Variants in GLG1 observed in about 807,000 individuals in gnomAD.
The protein encoded by GLG1 is Golgi apparatus protein 1.
A neutral mutation model predicts 160.5 loss-of-function variants in GLG1; 38 were observed. The observed-to-expected ratio is 0.24, with a 90% CI of 0.18 to 0.31. GLG1 has a LOEUF of 0.31. Among genes scored for constraint, GLG1 ranks in the 10% least tolerant of loss-of-function variants. The probability of loss-of-function intolerance (pLI) is 1.00; values close to 1 mark genes in which losing one functional copy is unlikely to be tolerated. For synonymous variants in GLG1, 644 were observed against 543.4 expected, an observed-to-expected ratio of 1.19 and a Z score of -2.57; for missense variants, 1,373 against 1,505.2, an observed-to-expected ratio of 0.91 and a Z score of 1.45.
At chr16:74,606,032 C>T (rs1262646760) in intron 1 of GLG1, among the ~76,000 whole-genome samples, 5 of 152,096 alleles carry the variant, frequency 3.3e-5, no homozygotes, top group Admixed American at 3.3e-4. Flanking sequence ...AGGCAAGATC[C>T]CATAACCCAG....
chr16:74,568,989 G>T (rs1017104668), intron 1 of GLG1, among the ~76,000 whole-genome samples: 1 of 152,236 alleles, frequency 6.6e-6, no homozygotes, highest in Non-Finnish European at 1.5e-5. Flanking sequence ...GAGCTCAAAA[G>T]CTCACTTCTG....
At chr16:74,496,907 G>C (rs1040407126) in intron 4 of GLG1, among the ~76,000 whole-genome samples, 1 of 152,162 alleles carries the variant, frequency 6.6e-6, no homozygotes, top group South Asian at 2.1e-4. Context: ...ATCCTGGAAA[G>C]TTTAAGTATT....
intron 3 of GLG1, among the ~76,000 whole-genome samples, chr16:74,504,097 G>T (rs1567487692): frequency 6.6e-6 from 1 of 152,180 alleles, no homozygotes; most frequent in East Asian, 1.9e-4. Flanking sequence ...TGAAGTCCTT[G>T]TAACCATGCA....
chr16:74,544,487 A>C (rs540525682), intron 1 of GLG1, among the ~76,000 whole-genome samples: 7 of 152,036 alleles, frequency 4.6e-5, no homozygotes, highest in African/African-American at 1.7e-4. Flanking sequence ...AGCCTGGCTA[A>C]TTTTGTTTTT....
chr16:74,593,244 A>G (rs1958223242), intron 1 of GLG1, among the ~76,000 whole-genome samples: 1 of 152,192 alleles, frequency 6.6e-6, no homozygotes, highest in African/African-American at 2.4e-5. Flanking sequence ...AGATGGCATT[A>G]CGTTTGTCAA....
chr16:74,492,762 T>C (rs2016046502), intron 7 of GLG1, among the ~76,000 whole-genome samples, 195 bp downstream of exon 7: 1 of 147,428 alleles, frequency 6.8e-6, no homozygotes, highest in African/African-American at 2.5e-5. Flanking sequence ...GAGCTTGCAG[T>C]GAGCCGAGAT....
Position 74,520,739 on chromosome 16 carries a change from C to T in GLG1, c.471+11382G>A, listed in dbSNP as rs868594953. Among the ~76,000 whole-genome samples the T allele has an allele frequency of 4.6e-5, 7 of 152,298 alleles. No individual in the cohort carries two copies. The South Asian group carries it at 8.3e-4, about 18-fold the overall frequency. Reference sequence around the variant, plus strand: ...ATTACTTTGACTGGATATCATTTTTCGGTAAGCACTTGTCCACTGTCTTCT... The same window carrying T: ...ATTACTTTGACTGGATATCATTTTTTGGTAAGCACTTGTCCACTGTCTTCT... On this transcript the variant is annotated intron_variant, in intron 2 of 25. Coordinates refer to ENST00000422840, the MANE Select transcript of GLG1 (RefSeq NM_001145667.2).
intron 1 of GLG1, among the ~76,000 whole-genome samples, chr16:74,559,809 C>A (rs2018457586): frequency 6.6e-6 from 1 of 151,808 alleles, no homozygotes; most frequent in South Asian, 2.1e-4. Flanking sequence ...CTTTGAATGT[C>A]CACTGTCACC....
chr16:74,486,889 G>A (rs1378744754), intron 8 of GLG1, among the ~76,000 whole-genome samples: 1 of 151,912 alleles, frequency 6.6e-6, no homozygotes, highest in Admixed American at 6.6e-5. Flanking sequence ...CAGATAAGTA[G>A]CAGATGGTGT....
chr16:74,454,687 A>ACC (rs2014461617), intron 25 of GLG1, among the ~76,000 whole-genome samples: 3 of 143,382 alleles, frequency 2.1e-5, no homozygotes, highest in African/African-American at 8.2e-5. Context: ...AAAAAAAAAA[A>ACC]AAAAAAAAAA....
intron 1 of GLG1, among the ~76,000 whole-genome samples, chr16:74,595,828 T>C (rs1429634425): frequency 6.6e-6 from 1 of 152,078 alleles, no homozygotes; most frequent in Non-Finnish European, 1.5e-5. Context: ...ACATAAACAA[T>C]ATAAAAATTA....
At chr16:74,492,814 C>T in intron 7 of GLG1, 143 bp downstream of exon 7, 1 of 500,170 alleles carries the variant, frequency 2.0e-6, no homozygotes, top group Non-Finnish European at 3.3e-6. Context: ...GCGAGAGACT[C>T]CGTCTCAAGA....
At chr16:74,493,207 AAGATG>A in intron 6 of GLG1, 67 bp from the exon 7 acceptor site, 1 of 1,045,618 alleles carries the variant, frequency 9.6e-7, no homozygotes. Flanking sequence ...GTGTACCACT[AAGATG>A]AGCACAGCGA....
At chr16:74,587,961 T>G (rs1280657197) in intron 1 of GLG1, among the ~76,000 whole-genome samples, 1 of 152,164 alleles carries the variant, frequency 6.6e-6, no homozygotes, top group South Asian at 2.1e-4. Context: ...CAAACGTCTA[T>G]AGGTGAAATA....
intron 1 of GLG1, among the ~76,000 whole-genome samples, chr16:74,555,156 T>C (rs1037790017): frequency 6.6e-6 from 1 of 152,160 alleles, no homozygotes; most frequent in African/African-American, 2.4e-5. Context: ...GATCAAATGA[T>C]CACTATGGTG....
chr16:74,504,382 G>A (rs2016522935), intron 3 of GLG1, among the ~76,000 whole-genome samples: 1 of 152,150 alleles, frequency 6.6e-6, no homozygotes, highest in African/African-American at 2.4e-5. Flanking sequence ...CTGGCACCCA[G>A]GTTCAAGTGA....
intron 1 of GLG1, among the ~76,000 whole-genome samples, chr16:74,579,463 T>C (rs1023882317): frequency 2.6e-5 from 4 of 152,074 alleles, no homozygotes; most frequent in African/African-American, 9.7e-5. Flanking sequence ...GGCTCACGTC[T>C]GTAATCCCAG....
At chr16:74,505,092 G>C (rs1054500971) in intron 3 of GLG1, among the ~76,000 whole-genome samples, 5 of 152,160 alleles carry the variant, frequency 3.3e-5, no homozygotes, top group African/African-American at 9.7e-5. Flanking sequence ...ATGCAATAGA[G>C]AGCATTCTCC....
rs77095373 is a variant in GLG1 at position 74,560,845 on chromosome 16, G to T, written c.439-28692C>A. Reference sequence around the variant, plus strand: ...AGAAAAAAAGAAGGGAGGAAGGGAGGGAAAGAAGGAAGGAAAGAGAGAAGC... The same window carrying T: ...AGAAAAAAAGAAGGGAGGAAGGGAGTGAAAGAAGGAAGGAAAGAGAGAAGC... On this transcript the variant is annotated intron_variant, in intron 1 of 25. Coordinates refer to ENST00000422840, the MANE Select transcript of GLG1 (RefSeq NM_001145667.2). Among the ~76,000 whole-genome samples, 1,374 of 151,934 alleles carry T rather than the reference G, an allele frequency of 9.0e-3. 21 individuals carry two copies. Among genetic ancestry groups the T allele is most frequent in the African/African-American group, 0.031 (1,300 of 41,424 alleles).
Sources: gnomAD v4.1 joint callset for allele counts (sites outside exome capture counted in the v4.1 genomes callset) on GRCh38, gnomAD v4.1.1 for gene constraint, MANE v1.5 for transcripts, NCBI Gene and HGNC (gene_info 2026-07-23, HGNC 2026-07-21) for gene names.